Variants in GNG7 observed in about 807,000 individuals in gnomAD.
The protein encoded by GNG7 is guanine nucleotide-binding protein G(I)/G(S)/G(O) subunit gamma-7.
Under a neutral mutation model 4.0 loss-of-function variants are expected in GNG7, and 1 was observed. That is an observed-to-expected ratio of 0.25 (90% CI 0.09 to 1.18). GNG7 has a LOEUF of 1.18. Ranked by LOEUF, GNG7 falls within the 50% of genes most tolerant of loss-of-function variation. GNG7 has a pLI of 0.50. For missense variants in GNG7, 86 were observed against 91.9 expected, an observed-to-expected ratio of 0.94 and a Z score of 0.26; for synonymous variants, 34 against 36.9, an observed-to-expected ratio of 0.92 and a Z score of 0.29.
chr19:2,560,176 G>A (rs1011058245), intron 2 of GNG7, among the ~76,000 whole-genome samples: 8 of 152,074 alleles, frequency 5.3e-5, no homozygotes, highest in Admixed American at 2.6e-4. Flanking sequence ...ATTGATTTGG[G>A]GTTCACAAAT....
intron 3 of GNG7, among the ~76,000 whole-genome samples, chr19:2,543,454 G>A (rs763006877): frequency 5.9e-5 from 9 of 151,908 alleles, no homozygotes; most frequent in Non-Finnish European, 1.3e-4. Context: ...CAAACTCCTG[G>A]GCTCAAGCAA....
At chr19:2,673,113 T>C (rs1272906076) in intron 1 of GNG7, among the ~76,000 whole-genome samples, 1 of 151,452 alleles carries the variant, frequency 6.6e-6, no homozygotes, top group Non-Finnish European at 1.5e-5. Flanking sequence ...AAAAATTAGC[T>C]GGGCGTGGCA....
rs1322983239 is a variant in GNG7 at position 2,671,413 on chromosome 19, C to T, written c.-134-25133G>A. Among the ~76,000 whole-genome samples, 6 of 152,082 alleles carry T rather than the reference C, an allele frequency of 3.9e-5. No individual in the cohort carries two copies. In the East Asian group the frequency reaches 1.2e-3, roughly 29 times the overall value. On this transcript the variant is annotated intron_variant, in intron 1 of 4. Coordinates refer to ENST00000382159, the MANE Select transcript of GNG7 (RefSeq NM_052847.3). Reference sequence around the variant, plus strand: ...AAAGGACCAACCCTCCAAGTGCTGACGAACGAGGTGAATGAGGCTCAAGGT... The same window carrying T: ...AAAGGACCAACCCTCCAAGTGCTGATGAACGAGGTGAATGAGGCTCAAGGT...
intron 3 of GNG7, among the ~76,000 whole-genome samples, chr19:2,523,149 G>A (rs145048735): frequency 8.8e-4 from 134 of 151,976 alleles, no homozygotes; most frequent in Admixed American, 2.7e-3. Context: ...TTACAGGCAT[G>A]AGCCACCATG....
chr19:2,553,834 T>C (rs1170742221), intron 3 of GNG7, among the ~76,000 whole-genome samples: 1 of 148,042 alleles, frequency 6.8e-6, no homozygotes, highest in Non-Finnish European at 1.5e-5. Flanking sequence ...ACATATTATA[T>C]GTAATATTGC....
rs371884402 is a variant in GNG7 at position 2,699,147 on chromosome 19, C to CTT, written c.-135+3497_-135+3498dup. Among the ~76,000 whole-genome samples, 143 of 128,452 alleles carry CTT rather than the reference C, an allele frequency of 1.1e-3. 2 individuals carry two copies. Among genetic ancestry groups the CTT allele is most frequent in the Non-Finnish European group, 1.4e-3 (83 of 60,816 alleles). 84.3% of individuals were successfully genotyped at this position (128,452 alleles called of 152,430 possible). On this transcript the variant is annotated intron_variant, in intron 1 of 4. Coordinates refer to ENST00000382159, the MANE Select transcript of GNG7 (RefSeq NM_052847.3). ...AAAGGCCCACCTAGAAAGGAGTAGC[C>CTT]TTTTTTTTTTTTTTTTTTTGAGACA...
At chr19:2,567,143 CAA>C (rs1231987195) in intron 2 of GNG7, among the ~76,000 whole-genome samples, 185 of 130,088 alleles carry the variant, frequency 1.4e-3, no homozygotes, top group African/African-American at 4.7e-3. Flanking sequence ...AAAAAAAAAA[CAA>C]AAAAAAAAAC....
intron 1 of GNG7, among the ~76,000 whole-genome samples, chr19:2,661,763 C>T (rs1983186893): frequency 6.6e-6 from 1 of 151,918 alleles, no homozygotes; most frequent in African/African-American, 2.4e-5. Context: ...CTGTCAAGGC[C>T]AGTTGGAAGC....
intron 1 of GNG7, among the ~76,000 whole-genome samples, chr19:2,678,080 TGTTA>T (rs1369056633): frequency 1.3e-5 from 2 of 152,120 alleles, no homozygotes; most frequent in Non-Finnish European, 2.9e-5. Context: ...TCTGTGTGGA[TGTTA>T]GTTAGGGTTC....
At chr19:2,583,223 A>T (rs1368244361) in intron 2 of GNG7, among the ~76,000 whole-genome samples, 1 of 152,120 alleles carries the variant, frequency 6.6e-6, no homozygotes, top group Non-Finnish European at 1.5e-5. Context: ...TTGAAAGCAA[A>T]TCTCCCTCTG....
chr19:2,542,844 G>C (rs1418462566), intron 3 of GNG7, among the ~76,000 whole-genome samples: 2 of 150,460 alleles, frequency 1.3e-5, no homozygotes. Flanking sequence ...TTAGACGCTG[G>C]ACTGAGCATG....
rs539388349 is a variant in GNG7 at position 2,548,127 on chromosome 19, C to T, written c.-38+7022G>A. On this transcript the variant is annotated intron_variant, in intron 3 of 4. Coordinates refer to ENST00000382159, the MANE Select transcript of GNG7 (RefSeq NM_052847.3). The stretch of plus-strand genomic sequence containing the variant: ...GGAAAACTACAGGCCCAGGGAGCTT[C>T]TCCCTGAGGGCTAGGGATCATTACG... Among the ~76,000 whole-genome samples the T allele has an allele frequency of 1.7e-3, 262 of 152,280 alleles. 2 individuals carry two copies. The highest frequency in any genetic ancestry group is 6.0e-3 in the African/African-American group (250 of 41,554).
In GNG7 at chr19:2,626,286, G is replaced by A. The variant is rs867946362; in HGVS notation, c.-78+19938C>T. ...CCAAACCAGCCTGACCAGCGGCACCGTGGAAACCCACCGGGATCTCTGCCA... is the reference window on the plus strand; with the variant it reads ...CCAAACCAGCCTGACCAGCGGCACCATGGAAACCCACCGGGATCTCTGCCA... On this transcript the variant is annotated intron_variant, in intron 2 of 4. Coordinates refer to ENST00000382159, the MANE Select transcript of GNG7 (RefSeq NM_052847.3). This position sits in a 1 kb window ranked among gnomAD's most constrained non-coding sequence, Gnocchi z 5.0. 1.3e-5 allele frequency among the ~76,000 whole-genome samples: 2 copies of A among 152,120 alleles called. No homozygotes were observed. The highest frequency in any genetic ancestry group is 2.9e-5 in the Non-Finnish European group (2 of 68,024).
At chr19:2,598,288 C>A (rs1260840292) in intron 2 of GNG7, among the ~76,000 whole-genome samples, 2 of 152,184 alleles carry the variant, frequency 1.3e-5, no homozygotes, top group Admixed American at 1.3e-4. Context: ...CTTTGGGAGG[C>A]CAAGGTGGGC....
intron 2 of GNG7, among the ~76,000 whole-genome samples, chr19:2,641,647 G>A (rs901368253): frequency 6.6e-6 from 1 of 152,018 alleles, no homozygotes; most frequent in Non-Finnish European, 1.5e-5. Flanking sequence ...TGAGGCCTAT[G>A]TTAGACTTCT....
intron 2 of GNG7, among the ~76,000 whole-genome samples, chr19:2,568,680 TAC>T (rs1369007274): frequency 1.3e-5 from 2 of 149,022 alleles, no homozygotes; most frequent in African/African-American, 2.5e-5. Context: ...TACACATATA[TAC>T]ACATACACAC....
At chr19:2,685,028 G>A (rs1266777312) in intron 1 of GNG7, among the ~76,000 whole-genome samples, 2 of 152,154 alleles carry the variant, frequency 1.3e-5, no homozygotes, top group African/African-American at 2.4e-5. Context: ...GGAGGCTGAC[G>A]CAGGAGAATC....
chr19:2,536,659 C>T (rs946892905), intron 3 of GNG7, among the ~76,000 whole-genome samples: 8 of 152,132 alleles, frequency 5.3e-5, no homozygotes, highest in Non-Finnish European at 7.4e-5. Context: ...AGCGAGGTCC[C>T]GACAGGGAGG....
intron 2 of GNG7, among the ~76,000 whole-genome samples, chr19:2,568,955 G>A (rs577318506): frequency 6.5e-4 from 96 of 147,996 alleles, no homozygotes; most frequent in Non-Finnish European, 1.2e-3. Context: ...ACAAATATAC[G>A]CATACAGATC....
Sources: allele counts gnomAD v4.1 joint callset (sites outside exome capture counted in the v4.1 genomes callset), GRCh38; gene constraint gnomAD v4.1.1; non-coding constraint Gnocchi (gnomAD v3.1); transcripts MANE v1.5; gene names NCBI Gene and HGNC (gene_info 2026-07-23, HGNC 2026-07-21).